Variants in MKLN1 observed in about 807,000 individuals in gnomAD.
The protein encoded by MKLN1 is muskelin 1, also known as muskelin.
MKLN1 carries 18 observed loss-of-function variants against 99.0 expected under a neutral mutation model. That is an observed-to-expected ratio of 0.18 (90% CI 0.13 to 0.27). MKLN1 has a LOEUF of 0.27. Among genes scored for constraint, MKLN1 ranks in the 10% least tolerant of loss-of-function variants. The pLI is 1.00. For synonymous variants in MKLN1, 288 were observed against 293.2 expected (o/e 0.98, Z 0.18); for missense variants, 621 against 875.9 (o/e 0.71, Z 3.67).
At chr7:131,121,049 C>T (rs78321226) in intron 1 of MKLN1, among the ~76,000 whole-genome samples, 8,423 of 152,196 alleles carry the variant, frequency 0.055, 276 homozygotes, top group Middle Eastern at 0.082. Context: ...TGGAGCTGTA[C>T]AGGAAGCATA....
rs1217370842 is a variant in MKLN1 at position 131,494,650 on chromosome 7, C to A, written c.*6922C>A. ...CTGATCAATTGTAAACAATTTTCTT[C>A]CTTACTTACAAATCATCCGTTCAGA... On this transcript the variant is annotated 3_prime_UTR_variant, in exon 18 of 18. Transcript: ENST00000352689. 6.6e-6 allele frequency: 1 copy of A among 152,038 alleles called. No homozygotes were observed. Among genetic ancestry groups the A allele is most frequent in the Non-Finnish European group, 1.5e-5 (1 of 67,972 alleles). 9.4% of individuals were successfully genotyped at this position (152,038 alleles called of 1,614,324 possible).
chr7:131,265,398 TTTC>T (rs1370243703), intron 3 of MKLN1, among the ~76,000 whole-genome samples: 34 of 152,310 alleles, frequency 2.2e-4, no homozygotes, highest in African/African-American at 7.5e-4. Flanking sequence ...CTCTTACGTC[TTTC>T]TTCTTCTGCC....
intron 3 of MKLN1, among the ~76,000 whole-genome samples, chr7:131,244,577 G>A (rs976300178): frequency 5.3e-5 from 8 of 152,128 alleles, no homozygotes; most frequent in Admixed American, 1.3e-4. Context: ...AAGGTCTATG[G>A]ACAGCCTTGA....
chr7:131,157,678 A>T (rs1025191525), intron 2 of MKLN1, among the ~76,000 whole-genome samples: 1 of 152,044 alleles, frequency 6.6e-6, no homozygotes, highest in Admixed American at 6.6e-5. Flanking sequence ...TTTCATGCAA[A>T]AGCTCCTGAA....
chr7:131,325,476 G>A (rs1012573742), upstream of MKLN1, among the ~76,000 whole-genome samples: 1 of 152,068 alleles, frequency 6.6e-6, no homozygotes, highest in African/African-American at 2.4e-5. Flanking sequence ...CAGGAGGATC[G>A]CTTGAGCCCA....
intron 3 of MKLN1, among the ~76,000 whole-genome samples, chr7:131,296,572 G>A (rs1382694037): frequency 6.6e-6 from 1 of 151,518 alleles, no homozygotes; most frequent in Non-Finnish European, 1.5e-5. Context: ...GGGTCCACTT[G>A]TATCTGGATT....
rs1470943280 is a variant in MKLN1, at chr7:131,487,148, G to T, written c.2087-459G>T. Among the ~76,000 whole-genome samples, 1 of 151,932 alleles carries T rather than the reference G, an allele frequency of 6.6e-6. No individual in the cohort carries two copies. The highest frequency in any genetic ancestry group is 1.5e-5 in the Non-Finnish European group (1 of 67,938). ...AATTTCTAAAGACCTCTTTCATTTT[G>T]ATTTTATTATATTTTTGTTACTAAA... On this transcript the variant is annotated intron_variant, in intron 17 of 17. Transcript: ENST00000352689. This position sits in a 1 kb window ranked among gnomAD's most constrained non-coding sequence, Gnocchi z 4.7.
chr7:131,177,336 C>T (rs747822946), intron 2 of MKLN1, among the ~76,000 whole-genome samples: 7 of 151,904 alleles, frequency 4.6e-5, no homozygotes, highest in Non-Finnish European at 8.8e-5. Context: ...GACGTGGTGG[C>T]GCGTGCCTGT....
chr7:131,486,258 C>CA (rs59893973), intron 17 of MKLN1, among the ~76,000 whole-genome samples: 168 of 142,106 alleles, frequency 1.2e-3, no homozygotes, highest in African/African-American at 1.8e-3. Flanking sequence ...TTGGAAATTT[C>CA]AAAAAAAAAA....
intron 3 of MKLN1, among the ~76,000 whole-genome samples, chr7:131,248,081 ATTTATTTAT>A (rs1351411757): frequency 2.2e-5 from 3 of 137,894 alleles, no homozygotes; most frequent in Non-Finnish European, 4.8e-5. Flanking sequence ...TTTATTATTT[ATTTATTTAT>A]TTATTTATTT....
chr7:131,184,944 G>A (rs573193270), intron 2 of MKLN1, among the ~76,000 whole-genome samples: 4 of 152,276 alleles, frequency 2.6e-5, no homozygotes, highest in East Asian at 1.9e-4. Context: ...AGGCCAACAC[G>A]GATGGATCTA....
At chr7:131,335,821 C>G (rs184119486) in intron 1 of MKLN1, among the ~76,000 whole-genome samples, 12 of 151,770 alleles carry the variant, frequency 7.9e-5, no homozygotes, top group African/African-American at 2.7e-4. Flanking sequence ...TAGTTTCAGA[C>G]CTTTATTGAT....
At chr7:131,327,662 G>C (rs1798922486), upstream of MKLN1, 10 of 567,498 alleles carry the variant, frequency 1.8e-5, no homozygotes, top group Middle Eastern at 9.9e-4. Context: ...CCAAGCCCCA[G>C]GGAAGGGCCT....
At position 131,214,949 on chromosome 7, in the gene MKLN1, T is replaced by C. The variant is rs188985471; in HGVS notation, c.-179+11975T>C. ...ATATTTATTCCTAGACACTATATTGTTTATGGCTATTAAGTATGTTATCTT... is the reference window on the plus strand; with the variant it reads ...ATATTTATTCCTAGACACTATATTGCTTATGGCTATTAAGTATGTTATCTT... On this transcript the variant is annotated intron_variant, in intron 3 of 7. Coordinates refer to the MKLN1 transcript ENST00000416992. Among the ~76,000 whole-genome samples the C allele has an allele frequency of 1.3e-3, 196 of 152,366 alleles. 1 individual carries two copies. Among genetic ancestry groups the C allele is most frequent in the African/African-American group, 4.5e-3 (189 of 41,584 alleles).
chr7:131,468,649 AG>A (rs1796725060), intron 15 of MKLN1, among the ~76,000 whole-genome samples: 1 of 152,126 alleles, frequency 6.6e-6, no homozygotes, highest in African/African-American at 2.4e-5. Flanking sequence ...TGATGATTTG[AG>A]GGTAGAAATG....
chr7:131,144,385 G>A lies in MKLN1; in HGVS notation c.-297+1444G>A, dbSNP rs891900874. Among the ~76,000 whole-genome samples, 3 of 151,068 alleles carry A rather than the reference G, an allele frequency of 2.0e-5. No individual in the cohort carries two copies. The East Asian group carries it at 5.9e-4, about 30-fold the overall frequency. ...TAGTCCCAGCTACTCGGGAGGCCAAGGAAGGAGAATGGCATGAACCTGGGA... is the reference window on the plus strand; with the variant it reads ...TAGTCCCAGCTACTCGGGAGGCCAAAGAAGGAGAATGGCATGAACCTGGGA... On this transcript the variant is annotated intron_variant, in intron 2 of 7. Transcript: ENST00000416992.
chr7:131,364,429 G>T (rs1800118460), intron 1 of MKLN1, among the ~76,000 whole-genome samples: 1 of 150,758 alleles, frequency 6.6e-6, no homozygotes, highest in Non-Finnish European at 1.5e-5. Flanking sequence ...GTATTTAAAT[G>T]TGTTCCGTAT....
intron 1 of MKLN1, among the ~76,000 whole-genome samples, chr7:131,141,286 C>G (rs182291710): frequency 1.2e-3 from 189 of 152,320 alleles, no homozygotes; most frequent in African/African-American, 4.3e-3. Flanking sequence ...CATCACAAAA[C>G]AAACACGTCA....
At chr7:131,322,042 A>C (rs1395354078) in intron 3 of MKLN1, among the ~76,000 whole-genome samples, 1 of 152,248 alleles carries the variant, frequency 6.6e-6, no homozygotes, top group Non-Finnish European at 1.5e-5. Context: ...CAATACTTTA[A>C]AACAAATGAG....
Sources: allele counts gnomAD v4.1 joint callset (sites outside exome capture counted in the v4.1 genomes callset), GRCh38; gene constraint gnomAD v4.1.1; non-coding constraint Gnocchi (gnomAD v3.1); transcripts MANE v1.5; gene names NCBI Gene and HGNC (gene_info 2026-07-23, HGNC 2026-07-21).